The following RNGTT variants were observed in gnomAD, a reference collection of about 807,000 sequenced individuals.
RNGTT encodes the protein mRNA-capping enzyme.
A neutral mutation model predicts 79.3 loss-of-function variants in RNGTT; 33 were observed. The ratio of observed to expected loss-of-function variants is 0.42; its 90% CI spans 0.32 to 0.56. The LOEUF (loss-of-function observed/expected upper bound fraction) is 0.56. Among genes scored for constraint, RNGTT ranks in the 20% least tolerant of loss-of-function variants. The pLI, the probability that RNGTT is intolerant of heterozygous loss-of-function variation, is 0.17. For synonymous variants in RNGTT, 222 were observed against 235.9 expected (o/e 0.94, Z 0.54); for missense variants, 497 against 739.1 (o/e 0.67, Z 3.80).
intron 12 of RNGTT, among the ~76,000 whole-genome samples, chr6:88,770,180 A>G (rs1239511897): frequency 6.6e-6 from 1 of 152,144 alleles, no homozygotes; most frequent in Non-Finnish European, 1.5e-5. Flanking sequence ...TTTCTTGTTC[A>G]GCTTTATGGA....
chr6:88,813,134 C>T (rs571061375), intron 11 of RNGTT, among the ~76,000 whole-genome samples: 23 of 152,246 alleles, frequency 1.5e-4, no homozygotes, highest in East Asian at 5.8e-4. Context: ...ATTGCTGAAA[C>T]GCTGAAACTC....
At chr6:88,831,137 A>C (rs1367361984) in intron 11 of RNGTT, among the ~76,000 whole-genome samples, 1 of 152,186 alleles carries the variant, frequency 6.6e-6, no homozygotes, top group Non-Finnish European at 1.5e-5. Flanking sequence ...CACAACAAAA[A>C]AAGAGAATTT....
At chr6:88,751,680 T>C (rs980126709) in intron 13 of RNGTT, among the ~76,000 whole-genome samples, 2 of 152,102 alleles carry the variant, frequency 1.3e-5, no homozygotes, top group African/African-American at 4.8e-5. Flanking sequence ...AATAATTTAA[T>C]ATAAATACAA....
intron 8 of RNGTT, among the ~76,000 whole-genome samples, chr6:88,857,700 A>C (rs745510413): frequency 3.3e-5 from 5 of 152,178 alleles, no homozygotes; most frequent in Non-Finnish European, 7.4e-5. Flanking sequence ...CAAGTTTAAA[A>C]CCAGAATACA....
intron 12 of RNGTT, among the ~76,000 whole-genome samples, chr6:88,791,382 GC>G (rs1008177498): frequency 6.6e-6 from 1 of 151,754 alleles, no homozygotes; most frequent in African/African-American, 2.4e-5. Context: ...CAAGTGATCC[GC>G]CCACCTCGGC....
intron 11 of RNGTT, among the ~76,000 whole-genome samples, chr6:88,838,080 T>A (rs1272600325): frequency 6.6e-6 from 1 of 152,202 alleles, no homozygotes; most frequent in Non-Finnish European, 1.5e-5. Flanking sequence ...TAAGATTGTA[T>A]GTCAAAATTA....
intron 14 of RNGTT, among the ~76,000 whole-genome samples, chr6:88,668,466 A>G (rs1028364914): frequency 1.3e-5 from 2 of 152,156 alleles, no homozygotes; most frequent in Non-Finnish European, 2.9e-5. Flanking sequence ...TTCAATAAGA[A>G]CTTCAGCTGA....
chr6:88,704,793 C>A (rs1026748962), intron 13 of RNGTT, among the ~76,000 whole-genome samples: 4 of 152,054 alleles, frequency 2.6e-5, no homozygotes, highest in Non-Finnish European at 4.4e-5. Context: ...AAGGCAACAA[C>A]AGGGGAGGAA....
Position 88,872,229 on chromosome 6 carries a change from G to A in RNGTT, c.896+18266C>T, listed in dbSNP as rs148223324. Among the ~76,000 whole-genome samples, 287 of 152,124 alleles carry A rather than the reference G, an allele frequency of 1.9e-3. 2 individuals carry two copies. Among genetic ancestry groups the A allele is most frequent in the African/African-American group, 6.7e-3 (279 of 41,482 alleles). On this transcript the variant is annotated intron_variant, in intron 8 of 15. Coordinates refer to ENST00000369485, the MANE Select transcript of RNGTT (RefSeq NM_003800.5). Reference sequence around the variant, plus strand: ...AGGCCCCTAACTATTGAACCTAAGTGGGTACAGGAAAGTTTTTCCTCCCCA... The same window carrying A: ...AGGCCCCTAACTATTGAACCTAAGTAGGTACAGGAAAGTTTTTCCTCCCCA...
chr6:88,804,235 G>A (rs1273615530), intron 11 of RNGTT, among the ~76,000 whole-genome samples: 2 of 152,158 alleles, frequency 1.3e-5, no homozygotes, highest in Non-Finnish European at 2.9e-5. Flanking sequence ...GATTACATCA[G>A]ACTTTAACTA....
At chr6:88,614,637 A>G (rs1772153559) in intron 14 of RNGTT, among the ~76,000 whole-genome samples, 1 of 152,206 alleles carries the variant, frequency 6.6e-6, no homozygotes, top group Admixed American at 6.5e-5. Context: ...ATAGCAATTA[A>G]AAGAAGCTAG....
At chr6:88,733,595 G>GA (rs759837319) in intron 13 of RNGTT, among the ~76,000 whole-genome samples, 44 of 149,852 alleles carry the variant, frequency 2.9e-4, no homozygotes, top group Non-Finnish European at 5.6e-4. Context: ...AGCTAAAAAA[G>GA]AAAAAAAACA....
chr6:88,637,551 G>A (rs1022398105), intron 14 of RNGTT, among the ~76,000 whole-genome samples: 30 of 151,994 alleles, frequency 2.0e-4, no homozygotes, highest in Admixed American at 8.5e-4. Context: ...TGCAACCTAC[G>A]CTTTCTGGAA....
intron 11 of RNGTT, among the ~76,000 whole-genome samples, chr6:88,823,642 A>C (rs1227054543): frequency 6.6e-6 from 1 of 152,198 alleles, no homozygotes; most frequent in African/African-American, 2.4e-5. Flanking sequence ...AATTCACCCC[A>C]AAAAATAGAC....
intron 13 of RNGTT, among the ~76,000 whole-genome samples, chr6:88,755,745 G>A (rs1482196662): frequency 1.3e-5 from 2 of 151,788 alleles, no homozygotes; most frequent in African/African-American, 2.4e-5. Context: ...GGTGCATCAC[G>A]AGGTCAGGAG....
intron 1 of RNGTT, among the ~76,000 whole-genome samples, chr6:88,961,321 G>C (rs374093549): frequency 1.5e-4 from 23 of 152,004 alleles, no homozygotes; most frequent in African/African-American, 5.5e-4. Flanking sequence ...CTTTACGTCT[G>C]TATGTGTGTG....
At chr6:88,892,933 C>T (rs1783098278) in intron 6 of RNGTT, among the ~76,000 whole-genome samples, 1 of 152,004 alleles carries the variant, frequency 6.6e-6, no homozygotes, top group South Asian at 2.1e-4. Context: ...CTTTTTGTCC[C>T]TAATTTTGAA....
chr6:88,614,197 A>C, intron 15 of RNGTT, 75 bp downstream of exon 15: 1 of 1,436,470 alleles, frequency 7.0e-7, no homozygotes. Context: ...AAAACAACAA[A>C]GGCAGCACAC....
chr6:88,941,936 T>A (rs72911630), intron 1 of RNGTT, among the ~76,000 whole-genome samples: 6,342 of 152,270 alleles, frequency 0.042, 192 homozygotes, highest in African/African-American at 0.078. Flanking sequence ...TCTTCCTGCC[T>A]AAGCCTCCCA....
Sources: allele counts gnomAD v4.1 joint callset (sites outside exome capture counted in the v4.1 genomes callset), GRCh38; gene constraint gnomAD v4.1.1; transcripts MANE v1.5; gene names NCBI Gene and HGNC (gene_info 2026-07-23, HGNC 2026-07-21).